The following DNMT3A variants were observed in gnomAD, a reference collection of about 807,000 sequenced individuals.
The protein encoded by DNMT3A is DNA methyltransferase 3 alpha.
DNMT3A carries 267 observed loss-of-function variants against 117.6 expected under a neutral mutation model. The observed-to-expected ratio is 2.27, with a 90% CI of 2.05 to 2.51. The LOEUF (loss-of-function observed/expected upper bound fraction) is 2.51. DNMT3A is among the 30% of genes most tolerant of loss of function. DNMT3A has a pLI of 0.00. For synonymous variants in DNMT3A, 432 were observed against 474.8 expected, an observed-to-expected ratio of 0.91 and a Z score of 1.17; for missense variants, 1,029 against 1,260.2, an observed-to-expected ratio of 0.82 and a Z score of 2.78.
rs2031870371 is a variant in DNMT3A, at chr2:25,281,274, C to T, written c.448+1167G>A. 6.6e-6 allele frequency among the ~76,000 whole-genome samples: 1 copy of T among 152,208 alleles called. No homozygotes were observed. The highest frequency in any genetic ancestry group is 2.4e-5 in the African/African-American group (1 of 41,446). ...TAAGGTTGGGGCTCCATGAGCAAGT[C>T]ACATCATTGTTTTAAGCCTCAATAT... On this transcript the variant is annotated intron_variant, in intron 4 of 22. Coordinates refer to ENST00000321117, the MANE Select transcript of DNMT3A (RefSeq NM_022552.5). The surrounding 1 kb of genome is among the most constrained non-coding windows in gnomAD (Gnocchi z 4.8).
Position 25,235,776 on chromosome 2 carries a change from C to CCCTG in DNMT3A, c.2524_2527dup (p.Gly843AlafsTer13). Reference sequence around the variant, plus strand: ...GAAGACAGGAAAATGCTGGTCTTTGCCCTGCTTTATGGAGTTTGACCTCGT... The same window carrying CCCTG: ...GAAGACAGGAAAATGCTGGTCTTTGCCCTGCCTGCTTTATGGAGTTTGACCTCGT... On this transcript the variant is annotated frameshift_variant, in exon 22 of 23. Transcript: ENST00000321117. LOFTEE classifies it high-confidence loss of function. 1 of 1,614,156 alleles carries CCCTG rather than the reference C, an allele frequency of 6.2e-7. No individual in the cohort carries two copies. Among genetic ancestry groups the CCCTG allele is most frequent in the Non-Finnish European group, 8.5e-7 (1 of 1,180,004 alleles).
At chr2:25,249,209 T>C (rs906206959) in intron 6 of DNMT3A, among the ~76,000 whole-genome samples, 1 of 152,282 alleles carries the variant, frequency 6.6e-6, no homozygotes, top group East Asian at 1.9e-4. Flanking sequence ...CTGGGCAACA[T>C]AGCAAGACCC....
intron 6 of DNMT3A, among the ~76,000 whole-genome samples, chr2:25,266,763 C>T (rs1191912693): frequency 6.6e-6 from 1 of 152,228 alleles, no homozygotes; most frequent in African/African-American, 2.4e-5. Context: ...ACTATTTTCC[C>T]ACCCATTTGA....
Position 25,252,284 on chromosome 2 carries a change from G to T in DNMT3A, c.640-4032C>A. On this transcript the variant is annotated intron_variant, in intron 6 of 22. Coordinates refer to ENST00000321117, the MANE Select transcript of DNMT3A (RefSeq NM_022552.5). This position sits in a 1 kb window ranked among gnomAD's most constrained non-coding sequence, Gnocchi z 5.5. ...GAAGTAGCTGCCCGTCTTGGGGGAG[G>T]GGAAGGGGGCGATGGGGCTGGGGGC... 7.1e-7 allele frequency: 1 copy of T among 1,401,544 alleles called. No individual in the cohort carries two copies. 86.8% of individuals were successfully genotyped at this position (1,401,544 alleles called of 1,614,324 possible).
At chr2:25,291,091 G>C (rs1388299239) in intron 3 of DNMT3A, among the ~76,000 whole-genome samples, 1 of 152,190 alleles carries the variant, frequency 6.6e-6, no homozygotes. Flanking sequence ...CCACAGGACA[G>C]AGGGGTGCAA....
At chr2:25,288,530 T>C (rs2032498688) in intron 3 of DNMT3A, among the ~76,000 whole-genome samples, 1 of 151,782 alleles carries the variant, frequency 6.6e-6, no homozygotes. Context: ...CAGGCTGGTC[T>C]TGAACTTCTG....
intron 6 of DNMT3A, among the ~76,000 whole-genome samples, chr2:25,253,729 G>A (rs1254445380): frequency 6.6e-6 from 1 of 152,166 alleles, no homozygotes; most frequent in African/African-American, 2.4e-5. Flanking sequence ...AGGAAATGGA[G>A]GAAAATGCAC....
At chr2:25,287,045 G>A (rs946493947) in intron 3 of DNMT3A, among the ~76,000 whole-genome samples, 4 of 152,210 alleles carry the variant, frequency 2.6e-5, no homozygotes, top group Non-Finnish European at 4.4e-5. Flanking sequence ...TGGCAAAGAC[G>A]AGGCTAAAAG....
chr2:25,303,489 C>G (rs762441284), intron 2 of DNMT3A, among the ~76,000 whole-genome samples: 1 of 152,222 alleles, frequency 6.6e-6, no homozygotes, highest in Non-Finnish European at 1.5e-5. Context: ...GTGGACCCCC[C>G]GGTGCCAGGC....
chr2:25,302,615 G>T (rs1045615404), intron 2 of DNMT3A, among the ~76,000 whole-genome samples: 2 of 152,188 alleles, frequency 1.3e-5, no homozygotes, highest in Non-Finnish European at 2.9e-5. Context: ...AGGGCTCAGG[G>T]TGCCCAAGGG....
chr2:25,330,329 T>TGGAAA (rs2034966812), intron 1 of DNMT3A, among the ~76,000 whole-genome samples: 1 of 152,196 alleles, frequency 6.6e-6, no homozygotes, highest in Non-Finnish European at 1.5e-5. Flanking sequence ...AAACGTGGAT[T>TGGAAA]TCCACACTCG....
chr2:25,300,737 ATATATATATATATATATATATATATAT>A (rs2033445386), intron 2 of DNMT3A, among the ~76,000 whole-genome samples: 1 of 40,948 alleles, frequency 2.4e-5, no homozygotes, highest in Non-Finnish European at 4.5e-5. Flanking sequence ...ATATATATAT[ATATATATATATATATATATATATATAT>A]ATATAAATAA....
chr2:25,326,680 G>A (rs1408785609), intron 1 of DNMT3A, among the ~76,000 whole-genome samples: 1 of 152,146 alleles, frequency 6.6e-6, no homozygotes, highest in African/African-American at 2.4e-5. Context: ...TTGCTGCATG[G>A]GCGCTTCCCA....
rs2149455244 is a variant in DNMT3A at position 25,339,285 on chromosome 2, CAG to C, written c.-178+2539_-178+2540del. Among the ~76,000 whole-genome samples the C allele has an allele frequency of 6.6e-6, 1 of 152,306 alleles. No individual in the cohort carries two copies. Among genetic ancestry groups the C allele is most frequent in the African/African-American group, 2.4e-5 (1 of 41,568 alleles). On this transcript the variant is annotated intron_variant, in intron 1 of 22. Coordinates refer to ENST00000321117, the MANE Select transcript of DNMT3A (RefSeq NM_022552.5). This position sits in a 1 kb window ranked among gnomAD's most constrained non-coding sequence, Gnocchi z 4.9. Reference sequence around the variant, plus strand: ...CCACCCCACAGAGGAATCCTGTCCGCAGACACCCTGACAGATGGCTGCTGGCG... The same window carrying C: ...CCACCCCACAGAGGAATCCTGTCCGCACACCCTGACAGATGGCTGCTGGCG...
intron 6 of DNMT3A, among the ~76,000 whole-genome samples, chr2:25,270,963 G>A (rs926445481): frequency 6.6e-6 from 1 of 151,858 alleles, no homozygotes; most frequent in African/African-American, 2.4e-5. Flanking sequence ...GATGGAGGTT[G>A]CAGTGAGCTG....
At chr2:25,326,112 G>A (rs899770884) in intron 1 of DNMT3A, among the ~76,000 whole-genome samples, 286 of 78,636 alleles carry the variant, frequency 3.6e-3, no homozygotes, top group African/African-American at 0.018. Context: ...ATATATATGT[G>A]TGTGTGTGTG....
intron 12 of DNMT3A, among the ~76,000 whole-genome samples, 183 bp downstream of exon 12, chr2:25,245,837 G>A (rs1226792106): frequency 1.3e-5 from 2 of 152,232 alleles, no homozygotes; most frequent in African/African-American, 2.4e-5. Context: ...ACCAGCCCAC[G>A]CCATTGACAG....
rs544299238 is a variant in DNMT3A at position 25,275,983 on chromosome 2, G to A, written c.449-440C>T. On this transcript the variant is annotated intron_variant, in intron 4 of 22. Transcript: ENST00000321117. The stretch of plus-strand genomic sequence containing the variant: ...AAGGCCTGGGCCAGAGGGCCAGCCT[G>A]AGCGGCCTCCCTGGCCCTGCAAGGG... Among the ~76,000 whole-genome samples, 17 of 152,298 alleles carry A rather than the reference G, an allele frequency of 1.1e-4. No individual in the cohort carries two copies. The East Asian group carries it at 3.3e-3, about 29-fold the overall frequency.
chr2:25,286,835 C>A lies in DNMT3A; in HGVS notation c.178-4124G>T, dbSNP rs2032341467. ...GGAGGGGCACCCCAGCCAGGCCTGG[C>A]CTCTTCTGCCCCCAACTCCATGTCC... On this transcript the variant is annotated intron_variant, in intron 3 of 22. Coordinates refer to ENST00000321117, the MANE Select transcript of DNMT3A (RefSeq NM_022552.5). This position sits in a 1 kb window ranked among gnomAD's most constrained non-coding sequence, Gnocchi z 4.3. 6.6e-6 allele frequency among the ~76,000 whole-genome samples: 1 copy of A among 152,188 alleles called. No individual in the cohort carries two copies. Among genetic ancestry groups the A allele is most frequent in the African/African-American group, 2.4e-5 (1 of 41,440 alleles).
Sources: gnomAD v4.1 joint callset for allele counts (sites outside exome capture counted in the v4.1 genomes callset) on GRCh38, gnomAD v4.1.1 for gene constraint, Gnocchi (gnomAD v3.1) non-coding constraint, MANE v1.5 for transcripts, NCBI Gene and HGNC (gene_info 2026-07-23, HGNC 2026-07-21) for gene names.